PCDH15: variants seen among roughly 807,000 people sequenced by gnomAD.
PCDH15 encodes protocadherin-15.
PCDH15 carries 129 observed loss-of-function variants against 178.5 expected under a neutral mutation model. That is an observed-to-expected ratio of 0.72 (90% CI 0.63 to 0.84). The LOEUF (loss-of-function observed/expected upper bound fraction) is 0.84, where lower values mean the gene tolerates loss of function less well. Ranked by LOEUF, PCDH15 falls within the 40% of genes least tolerant of loss-of-function variation. The probability of loss-of-function intolerance (pLI) is 0.00; values close to 1 mark genes in which losing one functional copy is unlikely to be tolerated. For synonymous variants in PCDH15, 800 were observed against 732.0 expected, an observed-to-expected ratio of 1.09 and a Z score of -1.50; for missense variants, 2,230 against 2,099.9, an observed-to-expected ratio of 1.06 and a Z score of -1.21.
rs773043124 is a variant in PCDH15 at position 53,811,560 on chromosome 10, A to G, written c.4551T>C (p.Ser1517=). ...ATCTGAAGATGTACCCATGCTCATA[A>G]CTGTAATAATCTTGTCCATATTCCT... ...PGQEYGQDYY[S]YEHGYEMPQY... The change falls in exon 36 of 38, where the codon AGT becomes AGC. Residue 1517 remains serine, a synonymous_variant. Transcript: ENST00000644397. 2 of 1,561,070 alleles carry G rather than the reference A, an allele frequency of 1.3e-6. No homozygotes were observed. The highest frequency in any genetic ancestry group is 1.7e-6 in the Non-Finnish European group (2 of 1,152,172).
intron 3 of PCDH15, among the ~76,000 whole-genome samples, chr10:54,438,351 G>C (rs1022561886): frequency 6.6e-6 from 1 of 150,418 alleles, no homozygotes; most frequent in African/African-American, 2.5e-5. Flanking sequence ...TTCTGTCGGG[G>C]AGTGAATTTG....
At chr10:55,189,826 A>C (rs1185923684) in intron 1 of PCDH15, among the ~76,000 whole-genome samples, 1 of 151,854 alleles carries the variant, frequency 6.6e-6, no homozygotes, top group Non-Finnish European at 1.5e-5. Flanking sequence ...TGGAGCTGTC[A>C]CTTGGTTCAA....
chr10:54,546,843 C>T (rs1406186358), intron 2 of PCDH15, among the ~76,000 whole-genome samples: 1 of 152,152 alleles, frequency 6.6e-6, no homozygotes, highest in Admixed American at 6.5e-5. Context: ...CCGCATGATT[C>T]TCCTCAATTC....
At chr10:54,364,388 A>AT in intron 5 of PCDH15, among the ~76,000 whole-genome samples, 1 of 151,810 alleles carries the variant, frequency 6.6e-6, no homozygotes, top group East Asian at 1.9e-4. Context: ...GTATTTATTG[A>AT]TTTTAAGCTC....
intron 3 of PCDH15, among the ~76,000 whole-genome samples, chr10:54,518,848 A>C (rs1589845880): frequency 1.3e-5 from 2 of 152,268 alleles, no homozygotes; most frequent in South Asian, 2.1e-4. Context: ...CAGCACATCA[A>C]AAAGCTTATG....
chr10:55,215,858 G>C (rs1177678068), intron 1 of PCDH15, among the ~76,000 whole-genome samples: 1 of 151,882 alleles, frequency 6.6e-6, no homozygotes, highest in Non-Finnish European at 1.5e-5. Flanking sequence ...GTGTCTCAGA[G>C]ACATCCAGGA....
intron 2 of PCDH15, among the ~76,000 whole-genome samples, chr10:55,155,414 A>C (rs963548976): frequency 2.6e-5 from 4 of 150,998 alleles, no homozygotes; most frequent in African/African-American, 9.8e-5. Context: ...AATGAACACT[A>C]AAGTTCCAGG....
chr10:54,356,925 AT>A (rs1945096454), intron 5 of PCDH15, among the ~76,000 whole-genome samples: 1 of 152,160 alleles, frequency 6.6e-6, no homozygotes. Flanking sequence ...GATTATCTCA[AT>A]AGATGCAGAA....
chr10:54,670,040 C>A (rs1206283873), intron 1 of PCDH15, among the ~76,000 whole-genome samples: 1 of 152,018 alleles, frequency 6.6e-6, no homozygotes, highest in African/African-American at 2.4e-5. Flanking sequence ...AGCGACAGAG[C>A]AAGACAGATT....
intron 26 of PCDH15, among the ~76,000 whole-genome samples, chr10:53,900,233 C>G (rs2082247562): frequency 6.8e-6 from 1 of 147,006 alleles, no homozygotes; most frequent in Non-Finnish European, 1.5e-5. Context: ...CTCTCTCTCT[C>G]CCCCCCTCTC....
At chr10:54,305,701 T>A (rs2060423428) in intron 8 of PCDH15, among the ~76,000 whole-genome samples, 1 of 152,038 alleles carries the variant, frequency 6.6e-6, no homozygotes, top group Non-Finnish European at 1.5e-5. Context: ...TCATGAATTA[T>A]CTAATTCTTG....
At chr10:55,227,497 C>T (rs2132193236) in intron 1 of PCDH15, among the ~76,000 whole-genome samples, 1 of 152,162 alleles carries the variant, frequency 6.6e-6, no homozygotes, top group Middle Eastern at 3.4e-3. Flanking sequence ...TGCTGGGCAG[C>T]AGGCTTAGAG....
intron 2 of PCDH15, among the ~76,000 whole-genome samples, chr10:55,121,655 G>A (rs1591919048): frequency 1.3e-5 from 2 of 152,062 alleles, no homozygotes; most frequent in Admixed American, 6.6e-5. Context: ...ATTCATAAGG[G>A]TGGAGCACTC....
Position 54,023,305 on chromosome 10 carries a change from T to C in PCDH15, c.2221-108A>G. On this transcript the variant is annotated intron_variant, in intron 18 of 37. Transcript: ENST00000644397. ...TGGTATTTTTCTAACCAAAAATTATTTGGCCCTCTAAGGAGGAAATGACAA... is the reference window on the plus strand; with the variant it reads ...TGGTATTTTTCTAACCAAAAATTATCTGGCCCTCTAAGGAGGAAATGACAA... 3 of 1,055,762 alleles carry C rather than the reference T, an allele frequency of 2.8e-6. No homozygotes were observed. In the South Asian group the frequency reaches 4.2e-5, roughly 15 times the overall value. 65.4% of individuals were successfully genotyped at this position (1,055,762 alleles called of 1,614,324 possible).
chr10:55,397,460 T>G (rs1423505187), intron 2 of PCDH15, among the ~76,000 whole-genome samples: 1 of 152,220 alleles, frequency 6.6e-6, no homozygotes, highest in Admixed American at 6.5e-5. Context: ...ATCATACTGT[T>G]TTGTCTGTTA....
At chr10:54,458,770 G>A (rs950486740) in intron 3 of PCDH15, among the ~76,000 whole-genome samples, 1 of 152,078 alleles carries the variant, frequency 6.6e-6, no homozygotes, top group Non-Finnish European at 1.5e-5. Context: ...TAAAAACAAC[G>A]TATTCAGGGG....
Position 54,027,940 on chromosome 10 carries a change from T to C in PCDH15, c.2221-4743A>G, listed in dbSNP as rs2093162755. ...GGCAACAAAAGACAAAATTGACAAA[T>C]GGGATCGAATTAAACTCAAGAGCTT... is the stretch of plus-strand genomic sequence containing the variant. On this transcript the variant is annotated intron_variant, in intron 18 of 37. Transcript: ENST00000644397. 5.3e-5 allele frequency among the ~76,000 whole-genome samples: 8 copies of C among 151,072 alleles called. No individual in the cohort carries two copies. The South Asian group carries it at 1.5e-3, about 28-fold the overall frequency.
chr10:55,362,757 G>A (rs767559720), intron 2 of PCDH15, among the ~76,000 whole-genome samples: 1 of 151,980 alleles, frequency 6.6e-6, no homozygotes. Context: ...AGAGTTCCTC[G>A]TGATGTCCTT....
chr10:53,919,199 C>T (rs535799755), intron 25 of PCDH15, among the ~76,000 whole-genome samples: 3 of 152,106 alleles, frequency 2.0e-5, no homozygotes, highest in South Asian at 2.1e-4. Flanking sequence ...TAATATCTTC[C>T]CAAATTTCAG....
Sources: gnomAD v4.1 joint callset for allele counts (sites outside exome capture counted in the v4.1 genomes callset) on GRCh38, gnomAD v4.1.1 for gene constraint, MANE v1.5 for transcripts, NCBI Gene and HGNC (gene_info 2026-07-23, HGNC 2026-07-21) for gene names.